The following APTX variants were observed in gnomAD, a reference collection of about 807,000 sequenced individuals.
APTX encodes the protein aprataxin.
Under a neutral mutation model 42.3 loss-of-function variants are expected in APTX, and 33 were observed. The observed-to-expected ratio is 0.78, with a 90% CI of 0.59 to 1.04. The LOEUF (loss-of-function observed/expected upper bound fraction) is 1.04, where lower values mean the gene tolerates loss of function less well. APTX is among the 50% of genes least tolerant of loss of function. The pLI, the probability that APTX is intolerant of heterozygous loss-of-function variation, is 0.00. For synonymous variants in APTX, 130 were observed against 146.7 expected, an observed-to-expected ratio of 0.89 and a Z score of 0.82; for missense variants, 421 against 415.1, an observed-to-expected ratio of 1.01 and a Z score of -0.12.
chr9:32,993,034 G>C (rs1255092874), intron 1 of APTX, among the ~76,000 whole-genome samples: 1 of 152,166 alleles, frequency 6.6e-6, no homozygotes. Flanking sequence ...CTAGGCATTG[G>C]GAAATATGTG....
At position 32,973,257 on chromosome 9, in the gene APTX, G is replaced by C. The variant is rs1161819366; in HGVS notation, c.*241C>G. 3 of 610,428 alleles carry C rather than the reference G, an allele frequency of 4.9e-6. No individual in the cohort carries two copies. The highest frequency in any genetic ancestry group is 9.1e-6 in the Non-Finnish European group (3 of 328,940). 37.8% of individuals were successfully genotyped at this position (610,428 alleles called of 1,614,324 possible). On this transcript the variant is annotated 3_prime_UTR_variant, in exon 8 of 8. Coordinates refer to ENST00000379817, the MANE Select transcript of APTX (RefSeq NM_001195248.2). ...ACCTGACATGGGTCCTTCTGAAGAT[G>C]GTGGGTCAGGTATATCCCAGCCACC...
intron 1 of APTX, among the ~76,000 whole-genome samples, chr9:32,996,553 A>G (rs1587557202): frequency 6.6e-6 from 1 of 152,180 alleles, no homozygotes; most frequent in Non-Finnish European, 1.5e-5. Context: ...GATTACAGGT[A>G]GGAGCCACAC....
At chr9:33,024,680 G>T (rs1215502608) in intron 1 of APTX, 1 of 152,206 alleles carries the variant, frequency 6.6e-6, no homozygotes, top group South Asian at 2.1e-4. Context: ...CATGTGTCTA[G>T]GGGCCTGGAC....
chr9:32,983,136 A>T (rs1171880638), intron 6 of APTX, among the ~76,000 whole-genome samples: 1 of 152,034 alleles, frequency 6.6e-6, no homozygotes, highest in Non-Finnish European at 1.5e-5. Context: ...AGGTTTTGCC[A>T]TGTTGCCCAG....
At chr9:32,990,363 G>A (rs1833301752) in intron 1 of APTX, among the ~76,000 whole-genome samples, 1 of 152,092 alleles carries the variant, frequency 6.6e-6, no homozygotes, top group Non-Finnish European at 1.5e-5. Flanking sequence ...AGTGGAGACA[G>A]GGTTTCACCA....
chr9:33,007,472 G>A (rs1837242151), intron 1 of APTX, among the ~76,000 whole-genome samples: 1 of 152,208 alleles, frequency 6.6e-6, no homozygotes. Flanking sequence ...GCAGTGCAAA[G>A]GACGTTGGCA....
At chr9:32,974,363 T>A in intron 7 of APTX, 95 bp downstream of exon 7, 1 of 834,940 alleles carries the variant, frequency 1.2e-6, no homozygotes, top group East Asian at 2.5e-5. Flanking sequence ...ACATAGGTTT[T>A]TGAGGTCAGA....
intron 6 of APTX, among the ~76,000 whole-genome samples, chr9:32,976,143 C>T (rs948007173): frequency 6.6e-6 from 1 of 150,530 alleles, no homozygotes; most frequent in African/African-American, 2.4e-5. Flanking sequence ...AAACCAAACA[C>T]TGCATGTTCT....
At chr9:32,995,153 TCTGA>T (rs1262048866) in intron 1 of APTX, among the ~76,000 whole-genome samples, 60 of 152,332 alleles carry the variant, frequency 3.9e-4, no homozygotes, top group African/African-American at 1.3e-3. Context: ...AAGGAGTAAT[TCTGA>T]CTTTCAAGTG....
rs372966531 is a variant in APTX at position 33,001,560 on chromosome 9, G to A, written c.-5+7C>T. On this transcript the variant is annotated splice_region_variant and intron_variant, in intron 1 of 7. Transcript: ENST00000379817. Reference sequence around the variant, plus strand: ...CAGCAGAAGAGATAGGCTGACGACCGCCTTACCTCCAGAAGTCGGAGACGG... The same window carrying A: ...CAGCAGAAGAGATAGGCTGACGACCACCTTACCTCCAGAAGTCGGAGACGG... 2 of 1,613,766 alleles carry A rather than the reference G, an allele frequency of 1.2e-6. No individual in the cohort carries two copies. Among genetic ancestry groups the A allele is most frequent in the South Asian group, 1.1e-5 (1 of 91,072 alleles).
In APTX at chr9:32,973,231, GACCTGAC is replaced by G. The variant is rs1828465361; in HGVS notation, c.*260_*266del. 1 of 569,610 alleles carries G rather than the reference GACCTGAC, an allele frequency of 1.8e-6. No individual in the cohort carries two copies. The highest frequency in any genetic ancestry group is 2.2e-5 in the Admixed American group (1 of 45,868). The allele number at this position is 569,610 out of a possible 1,614,324, so 35.3% of individuals were successfully genotyped here. ...AACATGGCTTTGCTCCCAATGGTCA[GACCTGAC>G]ATGGGTCCTTCTGAAGATGGTGGGT... On this transcript the variant is annotated 3_prime_UTR_variant, in exon 8 of 8. Transcript: ENST00000379817.
At chr9:33,022,941 A>G (rs1237790173) in intron 1 of APTX, among the ~76,000 whole-genome samples, 1 of 152,214 alleles carries the variant, frequency 6.6e-6, no homozygotes, top group African/African-American at 2.4e-5. Flanking sequence ...TCCCAGGTCC[A>G]TCCTCCTGCC....
Position 32,987,591 on chromosome 9 carries a change from G to T in APTX, c.436C>A (p.Gln146Lys). 6.2e-7 allele frequency: 1 copy of T among 1,614,118 alleles called. No homozygotes were observed. The highest frequency in any genetic ancestry group is 8.5e-7 in the Non-Finnish European group (1 of 1,180,034). The change falls in exon 4 of 8, where the codon CAA (glutamine) becomes AAA (lysine). Residue 146 changes from glutamine (Q) to lysine (K), a missense_variant. Physicochemically the swap from Gln to Lys is moderately conservative, Grantham distance 53. Transcript: ENST00000379817. The stretch of plus-strand genomic sequence containing the variant: ...CCCTTCTTTAGGGGCACAGAGCATT[G>T]GCCAGAGTTGCTCCCAGGTTCCAGC... ...TGLEPGSNSG[Q>K]CSVPLKKGKD...
chr9:33,019,654 TAGGAGGAGACGCA>T, intron 1 of APTX: 1 of 435,386 alleles, frequency 2.3e-6, no homozygotes, highest in Admixed American at 4.4e-5. Flanking sequence ...ATGCACTGCC[TAGGAGGAGACGCA>T]AGGTTAGACC....
chr9:33,001,526 G>A (rs773121052), intron 1 of APTX, 41 bp downstream of exon 1: 4 of 1,613,114 alleles, frequency 2.5e-6, no homozygotes, highest in African/African-American at 2.7e-5. Flanking sequence ...CCGCGGCATT[G>A]AGCCCAGCCA....
chr9:32,984,360 GCTTC>G (rs1311623831), intron 6 of APTX, among the ~76,000 whole-genome samples: 15 of 152,294 alleles, frequency 9.8e-5, no homozygotes, highest in African/African-American at 3.6e-4. Flanking sequence ...TAATGAAGCT[GCTTC>G]ATCTAGTTCA....
At chr9:32,974,700 G>T (rs1828930571) in intron 6 of APTX, 139 bp from the exon 7 acceptor site, 1 of 651,216 alleles carries the variant, frequency 1.5e-6, no homozygotes, top group Non-Finnish European at 2.8e-6. Context: ...GTGATAGTGT[G>T]TCCATTTAAT....
At chr9:32,981,561 T>C (rs1830682066) in intron 6 of APTX, among the ~76,000 whole-genome samples, 1 of 152,170 alleles carries the variant, frequency 6.6e-6, no homozygotes, top group South Asian at 2.1e-4. Context: ...TAGGGCTCTT[T>C]GGAGAAGTGG....
intron 1 of APTX, among the ~76,000 whole-genome samples, chr9:33,023,722 G>A (rs1454194779): frequency 6.6e-6 from 1 of 152,232 alleles, no homozygotes; most frequent in African/African-American, 2.4e-5. Flanking sequence ...GGGAAACTGC[G>A]GATAGTTCTG....
Sources: gnomAD v4.1 joint callset for allele counts (sites outside exome capture counted in the v4.1 genomes callset) on GRCh38, gnomAD v4.1.1 for gene constraint, MANE v1.5 for transcripts, NCBI Gene and HGNC (gene_info 2026-07-23, HGNC 2026-07-21) for gene names.